PDE3A: variants seen among roughly 807,000 people sequenced by gnomAD.
PDE3A encodes the protein phosphodiesterase 3A.
In PDE3A, 43 loss-of-function variants were observed where a neutral mutation model predicts 98.3. The observed-to-expected ratio is 0.44, with a 90% CI of 0.34 to 0.56. The LOEUF is 0.56. Ranked by LOEUF, PDE3A falls within the 20% of genes least tolerant of loss-of-function variation. The pLI is 0.01. For missense variants in PDE3A, 1,427 were observed against 1,440.7 expected, an observed-to-expected ratio of 0.99 and a Z score of 0.15; for synonymous variants, 663 against 567.9, an observed-to-expected ratio of 1.17 and a Z score of -2.38.
intron 2 of PDE3A, among the ~76,000 whole-genome samples, chr12:20,584,296 T>A (rs1272306658): frequency 6.6e-6 from 1 of 152,174 alleles, no homozygotes; most frequent in Non-Finnish European, 1.5e-5. Flanking sequence ...GTCAGAAAAT[T>A]ACAGATTGTG....
intron 15 of PDE3A, among the ~76,000 whole-genome samples, chr12:20,669,387 C>T (rs1945408867): frequency 6.6e-6 from 1 of 151,858 alleles, no homozygotes; most frequent in African/African-American, 2.4e-5. Flanking sequence ...AACTCCAAGA[C>T]ACATAATTGT....
chr12:20,642,278 A>G (rs987890208), intron 10 of PDE3A, among the ~76,000 whole-genome samples: 1 of 152,146 alleles, frequency 6.6e-6, no homozygotes, highest in Non-Finnish European at 1.5e-5. Flanking sequence ...TTGTAATTAG[A>G]ATCCTTACAA....
At chr12:20,565,952 G>A (rs1009315524) in intron 2 of PDE3A, among the ~76,000 whole-genome samples, 3 of 151,738 alleles carry the variant, frequency 2.0e-5, no homozygotes, top group South Asian at 2.1e-4. Context: ...TTCTTACAAA[G>A]TTTTACCTTG....
intron 15 of PDE3A, among the ~76,000 whole-genome samples, chr12:20,678,279 T>C (rs1330168941): frequency 6.6e-6 from 1 of 152,208 alleles, no homozygotes; most frequent in Non-Finnish European, 1.5e-5. Flanking sequence ...GCTGCCTTAC[T>C]TCTCTCTTCT....
chr12:20,605,194 A>G (rs796895432), intron 2 of PDE3A, among the ~76,000 whole-genome samples: 65 of 152,196 alleles, frequency 4.3e-4, no homozygotes, highest in African/African-American at 1.4e-3. Context: ...TAACAGGCCT[A>G]AAGAGATTTG....
intron 1 of PDE3A, among the ~76,000 whole-genome samples, chr12:20,476,136 GA>G (rs1320858898): frequency 6.6e-6 from 1 of 152,092 alleles, no homozygotes; most frequent in Non-Finnish European, 1.5e-5. Flanking sequence ...AGATATAAAA[GA>G]AAGATTTTGT....
At chr12:20,560,004 G>T (rs368865629) in intron 2 of PDE3A, among the ~76,000 whole-genome samples, 15 of 152,320 alleles carry the variant, frequency 9.8e-5, no homozygotes, top group African/African-American at 3.4e-4. Flanking sequence ...GGCAGAGGAA[G>T]TTAAGAGGGT....
intron 2 of PDE3A, among the ~76,000 whole-genome samples, chr12:20,603,722 AATG>A (rs1943648727): frequency 6.6e-6 from 1 of 152,196 alleles, no homozygotes; most frequent in Non-Finnish European, 1.5e-5. Context: ...CACCAACAAT[AATG>A]ATAATGTTGG....
chr12:20,440,657 G>A (rs1434518094), intron 1 of PDE3A, among the ~76,000 whole-genome samples: 1 of 152,158 alleles, frequency 6.6e-6, no homozygotes, highest in East Asian at 1.9e-4. Flanking sequence ...AGGTTTACTT[G>A]GTGGTGGAGT....
chr12:20,483,355 C>T (rs2121013754), intron 1 of PDE3A, among the ~76,000 whole-genome samples: 1 of 152,262 alleles, frequency 6.6e-6, no homozygotes, highest in East Asian at 1.9e-4. Flanking sequence ...CACCACTGCA[C>T]TCCAGCCTGT....
At position 20,369,757 on chromosome 12, in the gene PDE3A, C is replaced by A; in HGVS notation, c.473C>A (p.Pro158His). ...CTCCTGCGCGCCGGGGTGCGCCTGC[C>A]TCTGGCTGTCGCGCTGCTGGCCGCC... ...LYLLRAGVRL[P>H]LAVALLAACC... Residue 158 changes from proline to histidine, a missense_variant, in exon 1 of 16, where the codon CCT becomes CAT. Pro to His is a moderately conservative substitution (Grantham distance 77, BLOSUM62 -2). This residue lies in a region of PDE3A where 1,012 missense variants were observed against 886.5 expected (regional missense o/e 1.14). Transcript: ENST00000359062. 6.2e-7 allele frequency: 1 copy of A among 1,612,638 alleles called. No homozygotes were observed. The highest frequency in any genetic ancestry group is 8.5e-7 in the Non-Finnish European group (1 of 1,179,784).
intron 1 of PDE3A, among the ~76,000 whole-genome samples, chr12:20,447,801 T>C (rs1944982003): frequency 6.6e-6 from 1 of 152,192 alleles, no homozygotes; most frequent in South Asian, 2.1e-4. Flanking sequence ...CTCTGATTTA[T>C]AACTGGTTGG....
chr12:20,445,268 T>A (rs1232208926), intron 1 of PDE3A, among the ~76,000 whole-genome samples: 7 of 152,164 alleles, frequency 4.6e-5, no homozygotes, highest in Admixed American at 3.9e-4. Flanking sequence ...GGGTGCTTTT[T>A]CCCTGCTTTG....
At chr12:20,435,456 C>CT (rs904742404) in intron 1 of PDE3A, among the ~76,000 whole-genome samples, 6 of 151,384 alleles carry the variant, frequency 4.0e-5, no homozygotes, top group African/African-American at 1.2e-4. Context: ...CACTGATATT[C>CT]TTTTTTTTTC....
chr12:20,464,078 TCA>T (rs1945299629), intron 1 of PDE3A, among the ~76,000 whole-genome samples: 1 of 152,178 alleles, frequency 6.6e-6, no homozygotes, highest in African/African-American at 2.4e-5. Context: ...ACTGTTAGGC[TCA>T]CAGTTCATTT....
intron 15 of PDE3A, among the ~76,000 whole-genome samples, chr12:20,679,488 T>C (rs999740605): frequency 2.0e-5 from 3 of 152,128 alleles, no homozygotes; most frequent in Non-Finnish European, 4.4e-5. Context: ...AGCTCGTGAT[T>C]CGCCCGCCTT....
intron 1 of PDE3A, among the ~76,000 whole-genome samples, chr12:20,450,993 A>G (rs1945054273): frequency 6.6e-6 from 1 of 152,226 alleles, no homozygotes. Flanking sequence ...GAACAAGTAA[A>G]AAAGCTCAGT....
chr12:20,479,711 A>G (rs1046373406), intron 1 of PDE3A, among the ~76,000 whole-genome samples: 1 of 152,166 alleles, frequency 6.6e-6, no homozygotes, highest in Non-Finnish European at 1.5e-5. Context: ...GTGATATTAC[A>G]CTGAGGACAC....
chr12:20,454,369 G>C (rs1251663656), intron 1 of PDE3A, among the ~76,000 whole-genome samples: 1 of 152,092 alleles, frequency 6.6e-6, no homozygotes, highest in Admixed American at 6.6e-5. Context: ...GTTACCAGCT[G>C]ACGTGTTATT....
Sources: allele counts gnomAD v4.1 joint callset (sites outside exome capture counted in the v4.1 genomes callset), GRCh38; gene constraint gnomAD v4.1.1; regional missense constraint gnomAD v4.1.1; transcripts MANE v1.5; gene names NCBI Gene and HGNC (gene_info 2026-07-23, HGNC 2026-07-21).